The following KANK4 variants were observed in gnomAD, a reference collection of about 807,000 sequenced individuals.
KANK4 encodes the protein KN motif and ankyrin repeat domain-containing protein 4.
Under a neutral mutation model 80.8 loss-of-function variants are expected in KANK4, and 50 were observed. The ratio of observed to expected loss-of-function variants is 0.62; its 90% CI spans 0.49 to 0.78. KANK4 has a LOEUF of 0.78. KANK4 is among the 30% of genes least tolerant of loss of function. The pLI is 0.00. For synonymous variants in KANK4, 465 were observed against 506.9 expected (o/e 0.92, Z 1.11); for missense variants, 1,196 against 1,240.1 (o/e 0.96, Z 0.53).
At chr1:62,262,118 A>T (rs897013155) in intron 7 of KANK4, among the ~76,000 whole-genome samples, 10 of 152,216 alleles carry the variant, frequency 6.6e-5, no homozygotes, top group African/African-American at 2.4e-4. Context: ...GGTCAAATGG[A>T]GCCATGACCT....
At chr1:62,264,156 G>T (rs1220669810) in intron 6 of KANK4, among the ~76,000 whole-genome samples, 1 of 152,176 alleles carries the variant, frequency 6.6e-6, no homozygotes, top group Non-Finnish European at 1.5e-5. Context: ...GGCAGCTCTC[G>T]CCTGTAATCC....
intron 1 of KANK4, chr1:62,298,263 C>G (rs1043294830): frequency 1.2e-4 from 18 of 152,214 alleles, no homozygotes; most frequent in Admixed American, 6.5e-5. Context: ...ACACAGGAAT[C>G]TGTGTTCTAA....
chr1:62,262,272 A>C (rs999860694), intron 7 of KANK4, among the ~76,000 whole-genome samples: 5 of 152,198 alleles, frequency 3.3e-5, no homozygotes, highest in African/African-American at 1.2e-4. Flanking sequence ...ATAACTCTTG[A>C]GCCTCAGTTT....
chr1:62,246,471 C>A (rs148156196), intron 9 of KANK4, among the ~76,000 whole-genome samples: 33 of 152,288 alleles, frequency 2.2e-4, no homozygotes, highest in African/African-American at 6.5e-4. Flanking sequence ...ATTGCCATGA[C>A]CAGATGAGAC....
chr1:62,292,036 C>G (rs1043467813), intron 1 of KANK4, among the ~76,000 whole-genome samples: 3 of 152,170 alleles, frequency 2.0e-5, no homozygotes, highest in Admixed American at 1.3e-4. Context: ...ATTCCCTATT[C>G]CCTCCACTCC....
At chr1:62,288,651 A>C (rs1398707844) in intron 1 of KANK4, among the ~76,000 whole-genome samples, 1 of 151,840 alleles carries the variant, frequency 6.6e-6, no homozygotes, top group African/African-American at 2.4e-5. Context: ...TACAAAGCAG[A>C]TGTAATTTTC....
At chr1:62,311,784 C>A (rs887028987) in intron 1 of KANK4, among the ~76,000 whole-genome samples, 1 of 152,204 alleles carries the variant, frequency 6.6e-6, no homozygotes, top group African/African-American at 2.4e-5. Flanking sequence ...TGTGTGCCTG[C>A]AATTTGTAAA....
intron 1 of KANK4, among the ~76,000 whole-genome samples, chr1:62,298,407 T>G (rs961604943): frequency 7.2e-5 from 11 of 152,220 alleles, no homozygotes; most frequent in African/African-American, 2.4e-4. Context: ...CCTGAAGATC[T>G]TGTTAACATG....
chr1:62,293,456 G>T (rs1269160094), intron 1 of KANK4, among the ~76,000 whole-genome samples: 7 of 151,960 alleles, frequency 4.6e-5, no homozygotes, highest in African/African-American at 1.7e-4. Context: ...GAAACTAAGG[G>T]TTTCTAAAAG....
chr1:62,286,179 G>GA (rs1232084115), intron 1 of KANK4, among the ~76,000 whole-genome samples: 1 of 152,248 alleles, frequency 6.6e-6, no homozygotes, highest in Admixed American at 6.5e-5. Context: ...CAGTCGGGAG[G>GA]AACGCTGTGC....
chr1:62,276,488 G>A (rs557846518), intron 2 of KANK4, among the ~76,000 whole-genome samples: 17 of 152,186 alleles, frequency 1.1e-4, no homozygotes, highest in East Asian at 1.9e-4. Flanking sequence ...AGATTATTGT[G>A]AGGACGGTCG....
intron 9 of KANK4, among the ~76,000 whole-genome samples, chr1:62,244,963 G>A (rs1671430688): frequency 6.6e-6 from 1 of 152,126 alleles, no homozygotes; most frequent in African/African-American, 2.4e-5. Context: ...TAGCTCTCTC[G>A]TACCTGTGAC....
chr1:62,241,512 C>G (rs116748988), intron 9 of KANK4, among the ~76,000 whole-genome samples: 2 of 152,202 alleles, frequency 1.3e-5, no homozygotes, highest in Middle Eastern at 3.2e-3. Flanking sequence ...TCAGTCTCCA[C>G]GAGGTCAAGA....
chr1:62,284,663 T>C (rs1672522857), intron 1 of KANK4, among the ~76,000 whole-genome samples: 1 of 152,214 alleles, frequency 6.6e-6, no homozygotes, highest in African/African-American at 2.4e-5. Flanking sequence ...ATCCCCACTG[T>C]TCAGAACCTT....
At chr1:62,317,421 T>C (rs187909572) in intron 1 of KANK4, among the ~76,000 whole-genome samples, 31 of 152,258 alleles carry the variant, frequency 2.0e-4, no homozygotes, top group African/African-American at 7.0e-4. Context: ...CAAGGTGCTA[T>C]TGGTCTATCT....
chr1:62,281,590 TC>T lies in KANK4; in HGVS notation c.-27del. ...CTTTGGAGCGCTGACCCTCAGTGTC[TC>T]AGGCACTCTTCATCCAATGAGTCTG... is the stretch of plus-strand genomic sequence containing the variant. On this transcript the variant is annotated 5_prime_UTR_variant, in exon 2 of 10. It removes the in-frame stop codon of an upstream open reading frame in the 5' UTR. Coordinates refer to ENST00000371153, the MANE Select transcript of KANK4 (RefSeq NM_181712.5). The T allele has an allele frequency of 6.2e-7, 1 of 1,614,146 alleles. No individual in the cohort carries two copies.
intron 1 of KANK4, among the ~76,000 whole-genome samples, chr1:62,292,037 C>T (rs1482639416): frequency 6.6e-6 from 1 of 152,144 alleles, no homozygotes; most frequent in East Asian, 1.9e-4. Context: ...TTCCCTATTC[C>T]CTCCACTCCA....
intron 7 of KANK4, among the ~76,000 whole-genome samples, chr1:62,256,894 T>C (rs1379216441): frequency 2.0e-5 from 3 of 152,136 alleles, no homozygotes; most frequent in Non-Finnish European, 4.4e-5. Context: ...ACGTTTGCAC[T>C]ACCTTATTAA....
intron 1 of KANK4, among the ~76,000 whole-genome samples, chr1:62,299,086 T>C (rs922816798): frequency 1.8e-4 from 28 of 152,100 alleles, no homozygotes; most frequent in Non-Finnish European, 2.2e-4. Context: ...TTTTGCTCTG[T>C]TGCCCAGGCC....
Sources: gnomAD v4.1 joint callset for allele counts (sites outside exome capture counted in the v4.1 genomes callset) on GRCh38, gnomAD v4.1.1 for gene constraint, MANE v1.5 for transcripts, NCBI Gene and HGNC (gene_info 2026-07-23, HGNC 2026-07-21) for gene names.